The following CCDC91 variants were observed in gnomAD, a reference collection of about 807,000 sequenced individuals.
CCDC91 encodes coiled-coil domain containing 91.
CCDC91 carries 48 observed loss-of-function variants against 63.2 expected under a neutral mutation model. The observed-to-expected ratio is 0.76, with a 90% CI of 0.60 to 0.97. CCDC91 has a LOEUF of 0.97. Ranked by LOEUF, CCDC91 falls within the 50% of genes least tolerant of loss-of-function variation. The probability of loss-of-function intolerance (pLI) is 0.00; values close to 1 mark genes in which losing one functional copy is unlikely to be tolerated. For missense variants in CCDC91, 500 were observed against 494.6 expected, an observed-to-expected ratio of 1.01 and a Z score of -0.10; for synonymous variants, 167 against 165.8, an observed-to-expected ratio of 1.01 and a Z score of -0.06.
In CCDC91 at chr12:28,256,431, C is replaced by CT. The variant is rs768217260; in HGVS notation, c.-14-758dup. Among the ~76,000 whole-genome samples, 166 of 141,410 alleles carry CT rather than the reference C, an allele frequency of 1.2e-3. 3 individuals are homozygous for CT. Among genetic ancestry groups the CT allele is most frequent in the South Asian group, 7.0e-3 (31 of 4,422 alleles). The allele number at this position is 141,410 out of a possible 152,430, so 92.8% of individuals were successfully genotyped here. The stretch of plus-strand genomic sequence containing the variant: ...GGTTTGTTTGATAAAGCTGCTGCTC[C>CT]TTTTTTTTTTTTTAAAGCCCTGATA... On this transcript the variant is annotated intron_variant, in intron 1 of 12. Transcript: ENST00000536442.
intron 8 of CCDC91, among the ~76,000 whole-genome samples, chr12:28,446,558 C>T (rs1165592647): frequency 6.6e-6 from 1 of 152,088 alleles, no homozygotes; most frequent in African/African-American, 2.4e-5. Flanking sequence ...GGTCCTCCTA[C>T]TTCAAGTGAT....
chr12:28,452,686 C>CT, intron 11 of CCDC91, 32 bp downstream of exon 11: 1 of 1,233,572 alleles, frequency 8.1e-7, no homozygotes, highest in African/African-American at 1.6e-5. Flanking sequence ...TAAATATTTA[C>CT]TTTTTTCTCA....
At chr12:28,332,923 T>C (rs1385003595) in intron 6 of CCDC91, among the ~76,000 whole-genome samples, 3 of 152,118 alleles carry the variant, frequency 2.0e-5, no homozygotes, top group African/African-American at 4.8e-5. Flanking sequence ...ACTACTATGC[T>C]TGGGGACCAT....
chr12:28,515,664 T>A (rs1939862010), intron 12 of CCDC91, among the ~76,000 whole-genome samples: 1 of 151,962 alleles, frequency 6.6e-6, no homozygotes, highest in African/African-American at 2.4e-5. Context: ...ATGCTGATTA[T>A]CAATAATAAC....
Position 28,219,747 on chromosome 12 carries a change from A to G in CCDC91, c.-15+29106A>G, listed in dbSNP as rs577363050. Among the ~76,000 whole-genome samples, 33 of 152,264 alleles carry G rather than the reference A, an allele frequency of 2.2e-4. No homozygotes were observed. In the East Asian group the frequency reaches 6.2e-3, roughly 28 times the overall value. On this transcript the variant is annotated intron_variant, in intron 1 of 12. Coordinates refer to ENST00000536442, the MANE Select transcript of CCDC91 (RefSeq NM_018318.5). The stretch of plus-strand genomic sequence containing the variant: ...CTTGGCCTCCCAAAGTGCTGGGATT[A>G]CAGGCGTGAGCCACTGCGCCCGGCC...
chr12:28,481,152 A>T (rs1185426500), intron 11 of CCDC91, among the ~76,000 whole-genome samples: 1 of 152,172 alleles, frequency 6.6e-6, no homozygotes, highest in Non-Finnish European at 1.5e-5. Flanking sequence ...ATGTTTCTGC[A>T]TATATTTTTA....
At chr12:28,219,073 A>T (rs541340287) in intron 1 of CCDC91, among the ~76,000 whole-genome samples, 1 of 152,204 alleles carries the variant, frequency 6.6e-6, no homozygotes, top group African/African-American at 2.4e-5. Flanking sequence ...ACTAGGTTAC[A>T]TGAGAATTCT....
intron 11 of CCDC91, among the ~76,000 whole-genome samples, chr12:28,471,740 T>G (rs1240334834): frequency 1.3e-5 from 2 of 151,138 alleles, no homozygotes; most frequent in African/African-American, 2.4e-5. Flanking sequence ...GTGACATTGT[T>G]TTGTTTATTT....
Position 28,459,288 on chromosome 12 carries a change from G to A in CCDC91, c.1101+6634G>A, listed in dbSNP as rs567437978. Among the ~76,000 whole-genome samples the A allele has an allele frequency of 2.0e-5, 3 of 152,198 alleles. No individual in the cohort carries two copies. In the South Asian group the frequency reaches 6.2e-4, roughly 32 times the overall value. On this transcript the variant is annotated intron_variant, in intron 11 of 12. Coordinates refer to ENST00000536442, the MANE Select transcript of CCDC91 (RefSeq NM_018318.5). ...CAGTATATAACTGTACCACTGCTCA[G>A]CCATATTATTATAAAAAGACCTGTT... is the stretch of plus-strand genomic sequence containing the variant.
At chr12:28,545,956 T>C (rs148173940) in intron 12 of CCDC91, among the ~76,000 whole-genome samples, 2,500 of 152,188 alleles carry the variant, frequency 0.016, 26 homozygotes, top group South Asian at 0.029. Context: ...TTCTAAGATA[T>C]TAAGTCATAT....
At chr12:28,353,950 G>A (rs1208596381) in intron 6 of CCDC91, among the ~76,000 whole-genome samples, 1 of 152,038 alleles carries the variant, frequency 6.6e-6, no homozygotes, top group Non-Finnish European at 1.5e-5. Context: ...TGGGTAGTAG[G>A]CTTAATACCT....
At chr12:28,204,962 G>A (rs559625272) in intron 1 of CCDC91, among the ~76,000 whole-genome samples, 7 of 152,224 alleles carry the variant, frequency 4.6e-5, no homozygotes, top group African/African-American at 9.6e-5. Context: ...GATTTATTAC[G>A]TATTTACTCA....
chr12:28,428,389 G>A (rs1948442408), intron 8 of CCDC91, among the ~76,000 whole-genome samples: 1 of 151,796 alleles, frequency 6.6e-6, no homozygotes, highest in South Asian at 2.1e-4. Context: ...TGACCGACAA[G>A]GAGAAACACC....
chr12:28,331,256 A>G (rs886714137), intron 6 of CCDC91, among the ~76,000 whole-genome samples: 44 of 152,216 alleles, frequency 2.9e-4, no homozygotes, highest in Non-Finnish European at 5.9e-4. Context: ...TTTAAATACA[A>G]TCTTAACGCC....
chr12:28,378,861 G>A (rs1262964986), intron 7 of CCDC91, among the ~76,000 whole-genome samples: 1 of 152,082 alleles, frequency 6.6e-6, no homozygotes, highest in Non-Finnish European at 1.5e-5. Flanking sequence ...TAACCTCAGT[G>A]GAGGATTGAG....
intron 11 of CCDC91, among the ~76,000 whole-genome samples, chr12:28,469,369 A>C (rs538255787): frequency 1.3e-5 from 2 of 152,190 alleles, no homozygotes; most frequent in South Asian, 2.1e-4. Context: ...TTTGGGAATT[A>C]ACCTAACCAA....
chr12:28,502,759 A>G (rs1938109670), intron 12 of CCDC91, among the ~76,000 whole-genome samples: 1 of 150,974 alleles, frequency 6.6e-6, no homozygotes, highest in Non-Finnish European at 1.5e-5. Context: ...AACAGAACAG[A>G]GCCCTCAGAA....
chr12:28,309,352 A>G (rs968030429), intron 6 of CCDC91, among the ~76,000 whole-genome samples: 2 of 152,008 alleles, frequency 1.3e-5, no homozygotes, highest in African/African-American at 2.4e-5. Flanking sequence ...AGAGATGCGA[A>G]TAATTCTGTC....
At chr12:28,407,871 A>T (rs1947050498) in intron 8 of CCDC91, among the ~76,000 whole-genome samples, 1 of 151,544 alleles carries the variant, frequency 6.6e-6, no homozygotes, top group African/African-American at 2.4e-5. Flanking sequence ...TATAGTTTTT[A>T]GTTTTCAATT....
Sources: allele counts gnomAD v4.1 joint callset (sites outside exome capture counted in the v4.1 genomes callset), GRCh38; gene constraint gnomAD v4.1.1; transcripts MANE v1.5; gene names NCBI Gene and HGNC (gene_info 2026-07-23, HGNC 2026-07-21).